The following RNFT2 variants were observed in gnomAD, a reference collection of about 807,000 sequenced individuals.
The protein encoded by RNFT2 is ring finger protein, transmembrane 2, also known as E3 ubiquitin-protein ligase RNFT2.
In RNFT2, 36 loss-of-function variants were observed where a neutral mutation model predicts 53.0. The observed-to-expected ratio is 0.68, with a 90% CI of 0.52 to 0.90. The LOEUF is 0.90. RNFT2 is among the 40% of genes least tolerant of loss of function. The probability of loss-of-function intolerance (pLI) is 0.00; values close to 1 mark genes in which losing one functional copy is unlikely to be tolerated. For synonymous variants in RNFT2, 260 were observed against 253.2 expected, an observed-to-expected ratio of 1.03 and a Z score of -0.26; for missense variants, 514 against 585.6, an observed-to-expected ratio of 0.88 and a Z score of 1.26.
intron 9 of RNFT2, 52 bp downstream of exon 9, chr12:116,836,077 A>C: frequency 6.2e-7 from 1 of 1,608,912 alleles, no homozygotes; most frequent in South Asian, 1.1e-5. Flanking sequence ...CAGGAACTGG[A>C]AACAGCAGCG....
chr12:116,782,088 A>AAAAAAAAAAAAAAAAAAAAAAAAAAAAAG (rs1873739153), intron 7 of RNFT2: 1 of 148,730 alleles, frequency 6.7e-6, no homozygotes, highest in Non-Finnish European at 1.5e-5. Context: ...CCAAAAAAAA[A>AAAAAAAAAAAAAAAAAAAAAAAAAAAAAG]AAAAAATGTG....
intron 3 of RNFT2, among the ~76,000 whole-genome samples, chr12:116,747,161 A>G (rs368915136): frequency 6.6e-6 from 1 of 152,176 alleles, no homozygotes; most frequent in Admixed American, 6.5e-5. Context: ...GGCTCAAGCC[A>G]TCCTCCCACC....
At chr12:116,817,992 G>A (rs80067286) in intron 7 of RNFT2, among the ~76,000 whole-genome samples, 7,048 of 152,148 alleles carry the variant, frequency 0.046, 355 homozygotes, top group East Asian at 0.14. Context: ...AAGCACTAGA[G>A]ACAAATAAAA....
chr12:116,781,937 G>A (rs1334964377), intron 7 of RNFT2, among the ~76,000 whole-genome samples: 4 of 151,766 alleles, frequency 2.6e-5, no homozygotes, highest in Non-Finnish European at 5.9e-5. Flanking sequence ...AAATTAGCTG[G>A]GCGTGGCAGC....
intron 7 of RNFT2, among the ~76,000 whole-genome samples, chr12:116,790,994 T>G (rs1168857430): frequency 6.6e-6 from 1 of 152,128 alleles, no homozygotes; most frequent in Non-Finnish European, 1.5e-5. Flanking sequence ...AAATAAACCA[T>G]TAATCATTTT....
intron 4 of RNFT2, among the ~76,000 whole-genome samples, chr12:116,751,716 G>T (rs191802242): frequency 2.0e-5 from 3 of 152,066 alleles, no homozygotes; most frequent in Admixed American, 2.0e-4. Flanking sequence ...TACTGTTATT[G>T]TTATTATTAA....
At chr12:116,847,861 A>G (rs1481162755) in intron 10 of RNFT2, among the ~76,000 whole-genome samples, 1 of 152,160 alleles carries the variant, frequency 6.6e-6, no homozygotes, top group Non-Finnish European at 1.5e-5. Flanking sequence ...TTTAATTTTA[A>G]GTTCCAGGAT....
intron 3 of RNFT2, among the ~76,000 whole-genome samples, chr12:116,747,559 G>T (rs539628968): frequency 5.3e-5 from 8 of 152,008 alleles, no homozygotes; most frequent in Admixed American, 2.0e-4. Flanking sequence ...TATAATAGAT[G>T]ATATGAGATC....
At chr12:116,821,804 T>TAA (rs1876047603) in intron 7 of RNFT2, among the ~76,000 whole-genome samples, 1 of 9,730 alleles carries the variant, frequency 1.0e-4, no homozygotes, top group Non-Finnish European at 3.3e-4. Flanking sequence ...ACTTGTTTCT[T>TAA]TTTTTTTTTT....
intron 7 of RNFT2, among the ~76,000 whole-genome samples, chr12:116,789,841 G>A: frequency 1.4e-5 from 2 of 148,070 alleles, no homozygotes; most frequent in South Asian, 2.2e-4. Context: ...TGGGTAAATG[G>A]GAGGAGAGTG....
chr12:116,771,460 TA>T (rs35911608), intron 6 of RNFT2, among the ~76,000 whole-genome samples: 1,779 of 63,982 alleles, frequency 0.028, 30 homozygotes, highest in African/African-American at 0.079. Flanking sequence ...ATCCTATCGT[TA>T]AAAAAAAAAA....
intron 7 of RNFT2, among the ~76,000 whole-genome samples, chr12:116,785,716 C>T (rs1873905657): frequency 6.6e-6 from 1 of 152,128 alleles, no homozygotes; most frequent in Non-Finnish European, 1.5e-5. Context: ...TTAGCTCAAT[C>T]CTGCCCTGTG....
chr12:116,837,230 T>C (rs1877023627), intron 10 of RNFT2, among the ~76,000 whole-genome samples: 2 of 152,170 alleles, frequency 1.3e-5, no homozygotes, highest in African/African-American at 4.8e-5. Context: ...AAGCATCCTA[T>C]CTGACCCAGG....
rs148546064 is a variant in RNFT2 at position 116,781,642 on chromosome 12, C to T, written c.882+2294C>T. ...CTTCATTGTCGCATCTCCTGATTCT[C>T]GCCCTCCTGCCTTCCTCTTATAAGG... On this transcript the variant is annotated intron_variant, in intron 7 of 10. Coordinates refer to ENST00000257575, the MANE Select transcript of RNFT2 (RefSeq NM_001382266.1). Among the ~76,000 whole-genome samples the T allele has an allele frequency of 3.9e-3, 587 of 151,716 alleles. 3 individuals are homozygous for T. The highest frequency in any genetic ancestry group is 0.018 in the South Asian group (87 of 4,802).
rs1319804688 is a variant in RNFT2 at position 116,833,983 on chromosome 12, C to G, written c.1032+42C>G. 3.3e-6 allele frequency: 5 copies of G among 1,537,522 alleles called. No individual in the cohort carries two copies. In the East Asian group the frequency reaches 7.2e-5, roughly 22 times the overall value. On this transcript the variant is annotated intron_variant, in intron 8 of 10. Transcript: ENST00000257575. ...GCTGGAGGGCCGGCCTAAGGAGGGC[C>G]CCATTCACTAGTCAGGCCTCAGGGG...
chr12:116,785,249 C>CTGTGTGTGTGTGTG (rs56185708), intron 7 of RNFT2, among the ~76,000 whole-genome samples: 1,736 of 139,148 alleles, frequency 0.012, 31 homozygotes, highest in African/African-American at 0.028. Flanking sequence ...TTACCTACTT[C>CTGTGTGTGTGTGTG]TGTGTGTGTG....
intron 10 of RNFT2, among the ~76,000 whole-genome samples, chr12:116,841,883 AT>A (rs1420593008): frequency 2.8e-4 from 6 of 21,518 alleles, no homozygotes; most frequent in South Asian, 2.4e-3. Context: ...ATATATATAA[AT>A]ATATATAAAA....
chr12:116,824,165 A>ACTC (rs766548841), intron 7 of RNFT2, among the ~76,000 whole-genome samples: 81 of 151,552 alleles, frequency 5.3e-4, no homozygotes, highest in Middle Eastern at 3.4e-3. Context: ...TCCCCGTCTC[A>ACTC]CTCCTACCCT....
At chr12:116,750,333 T>C in intron 4 of RNFT2, 26 bp downstream of exon 4, 1 of 1,570,974 alleles carries the variant, frequency 6.4e-7, no homozygotes, top group South Asian at 1.1e-5. Context: ...ATGGGTGTCC[T>C]AGCCATGGGC....
Sources: allele counts gnomAD v4.1 joint callset (sites outside exome capture counted in the v4.1 genomes callset), GRCh38; gene constraint gnomAD v4.1.1; transcripts MANE v1.5; gene names NCBI Gene and HGNC (gene_info 2026-07-23, HGNC 2026-07-21).